The following GAREM1 variants were observed in gnomAD, a reference collection of about 807,000 sequenced individuals.
GAREM1 encodes GRB2-associated and regulator of MAPK protein 1.
A neutral mutation model predicts 71.3 loss-of-function variants in GAREM1; 26 were observed. The ratio of observed to expected loss-of-function variants is 0.36; its 90% confidence interval spans 0.27 to 0.51. The LOEUF (loss-of-function observed/expected upper bound fraction) is 0.51, where lower values mean the gene tolerates loss of function less well. Ranked by LOEUF, GAREM1 falls within the 20% of genes least tolerant of loss-of-function variation. The pLI is 0.95. For missense variants in GAREM1, 1,026 were observed against 1,103.1 expected, an observed-to-expected ratio of 0.93 and a Z score of 0.99; for synonymous variants, 440 against 433.2, an observed-to-expected ratio of 1.02 and a Z score of -0.20.
At chr18:32,427,083 T>C (rs2048582927) in intron 1 of GAREM1, among the ~76,000 whole-genome samples, 1 of 152,112 alleles carries the variant, frequency 6.6e-6, no homozygotes, top group Non-Finnish European at 1.5e-5. Flanking sequence ...CTAAATTTGT[T>C]TTACTCTCGT....
chr18:32,321,076 A>G (rs1054820965), intron 2 of GAREM1, among the ~76,000 whole-genome samples: 2 of 152,184 alleles, frequency 1.3e-5, no homozygotes, highest in Non-Finnish European at 2.9e-5. Flanking sequence ...CCCTTCCATT[A>G]TCACATTATT....
At chr18:32,367,776 A>G (rs773314742) in intron 2 of GAREM1, among the ~76,000 whole-genome samples, 14 of 152,106 alleles carry the variant, frequency 9.2e-5, no homozygotes, top group Non-Finnish European at 2.9e-5. Flanking sequence ...CAACAGGGAG[A>G]TAAGGAGGAG....
chr18:32,267,818 T>C lies in GAREM1; in HGVS notation c.*53A>G, dbSNP rs1270508739. 2 of 1,455,486 alleles carry C rather than the reference T, an allele frequency of 1.4e-6. No individual in the cohort carries two copies. The highest frequency in any genetic ancestry group is 1.9e-6 in the Non-Finnish European group (2 of 1,061,400). 90.2% of individuals were successfully genotyped at this position (1,455,486 alleles called of 1,614,324 possible). On this transcript the variant is annotated 3_prime_UTR_variant, in exon 6 of 6. Transcript: ENST00000269209. ...ATGAAATTGTGTCCCAGCCCACCCC[T>C]TCTAGCACACGCATTGATCAGTTTT... is the stretch of plus-strand genomic sequence containing the variant.
chr18:32,364,377 CT>C (rs1287429175), intron 2 of GAREM1, among the ~76,000 whole-genome samples: 3 of 151,826 alleles, frequency 2.0e-5, no homozygotes, highest in African/African-American at 7.3e-5. Flanking sequence ...GTATTTACCC[CT>C]GTCTTCACCG....
At chr18:32,359,616 G>A (rs911107357) in intron 2 of GAREM1, among the ~76,000 whole-genome samples, 1 of 151,984 alleles carries the variant, frequency 6.6e-6, no homozygotes, top group African/African-American at 2.4e-5. Context: ...CATAAAACCT[G>A]TCTCAATATG....
At chr18:32,302,861 G>A (rs898023065) in intron 3 of GAREM1, among the ~76,000 whole-genome samples, 3 of 152,134 alleles carry the variant, frequency 2.0e-5, no homozygotes, top group Non-Finnish European at 4.4e-5. Flanking sequence ...CAAAGAAAAG[G>A]TACCGCTGAA....
At chr18:32,298,053 T>A (rs2047161038) in intron 3 of GAREM1, among the ~76,000 whole-genome samples, 1 of 152,236 alleles carries the variant, frequency 6.6e-6, no homozygotes, top group Non-Finnish European at 1.5e-5. Context: ...ACGTACAGAT[T>A]AAACAGATCA....
intron 1 of GAREM1, among the ~76,000 whole-genome samples, chr18:32,462,563 CT>C (rs149959167): frequency 6.6e-6 from 1 of 152,138 alleles, no homozygotes; most frequent in African/African-American, 2.4e-5. Context: ...TGCAAGTTGC[CT>C]TTTTGCTCCG....
intron 2 of GAREM1, among the ~76,000 whole-genome samples, chr18:32,336,009 C>T (rs377283126): frequency 9.2e-5 from 14 of 152,284 alleles, no homozygotes; most frequent in East Asian, 3.9e-4. Flanking sequence ...GGTTCAAAGA[C>T]GCTAGTTTGT....
At chr18:32,291,260 TTTTG>T (rs2047081787) in intron 3 of GAREM1, among the ~76,000 whole-genome samples, 1 of 151,652 alleles carries the variant, frequency 6.6e-6, no homozygotes, top group African/African-American at 2.4e-5. Context: ...TATACTTTTT[TTTTG>T]TTTAAGAAGA....
At chr18:32,343,042 T>A (rs1457297103) in intron 2 of GAREM1, among the ~76,000 whole-genome samples, 6 of 152,252 alleles carry the variant, frequency 3.9e-5, no homozygotes, top group African/African-American at 7.2e-5. Context: ...ATCTCTGATA[T>A]TCATCCCAAA....
chr18:32,421,699 T>C (rs2048520978), intron 1 of GAREM1, among the ~76,000 whole-genome samples: 1 of 152,162 alleles, frequency 6.6e-6, no homozygotes, highest in Non-Finnish European at 1.5e-5. Context: ...TTCTGTTGCC[T>C]AGAAAGCCCT....
Position 32,309,391 on chromosome 18 carries a change from A to G in GAREM1, c.393+802T>C, listed in dbSNP as rs751589465. On this transcript the variant is annotated intron_variant, in intron 3 of 5. Coordinates refer to ENST00000269209, the MANE Select transcript of GAREM1 (RefSeq NM_001242409.2). ...AGCACTTTGGGAGGCCAAGGTGGGC[A>G]GATCACGAGGTCAGGAGCTTGAGAC... Among the ~76,000 whole-genome samples, 26 of 149,060 alleles carry G rather than the reference A, an allele frequency of 1.7e-4. 1 individual carries two copies. Among genetic ancestry groups the G allele is most frequent in the Non-Finnish European group, 3.3e-4 (22 of 67,220 alleles).
rs754211888 is a variant in GAREM1, at chr18:32,392,936, T to C, written c.221A>G (p.Tyr74Cys). 1.2e-6 allele frequency: 2 copies of C among 1,613,908 alleles called. No homozygotes were observed. The highest frequency in any genetic ancestry group is 1.7e-6 in the Non-Finnish European group (2 of 1,179,890). Residue 74 changes from tyrosine to cysteine, a missense_variant, in exon 2 of 6, where the codon TAT becomes TGT. By Grantham distance (194) the Tyr-to-Cys change is radical (BLOSUM62 -2). This residue lies in a region of GAREM1 where 172 missense variants were observed against 175.2 expected (regional missense o/e 0.98). Transcript: ENST00000269209. ...AATCTCTATCTTTGGCCCAATGACA[T>C]AGTGACCCTCCTCCAAGCTGTGGGC... ...ITAHSLEEGH[Y>C]VIGPKIEIPV...
intron 2 of GAREM1, among the ~76,000 whole-genome samples, chr18:32,391,918 T>C (rs1161352267): frequency 3.3e-5 from 5 of 152,128 alleles, no homozygotes; most frequent in Admixed American, 6.5e-5. Flanking sequence ...GAATCAAAAA[T>C]GGTACCAAAC....
rs566277352 is a variant in GAREM1 at position 32,438,008 on chromosome 18, C to T, written c.121+32300G>A. ...CCAAAAGTCCAAAATAACCCAACCC[C>T]AGCACCTCTAAAGTCTAAGATAAAA... On this transcript the variant is annotated intron_variant, in intron 1 of 5. Transcript: ENST00000269209. Among the ~76,000 whole-genome samples the T allele has an allele frequency of 3.9e-5, 6 of 152,188 alleles. No individual in the cohort carries two copies. In the East Asian group the frequency reaches 7.7e-4, roughly 20 times the overall value.
chr18:32,466,631 G>C (rs1234291435), intron 1 of GAREM1, among the ~76,000 whole-genome samples: 1 of 152,172 alleles, frequency 6.6e-6, no homozygotes, highest in African/African-American at 2.4e-5. Flanking sequence ...GAGGAGGAGA[G>C]AGAAAATGAA....
At chr18:32,309,897 T>C (rs538205226) in intron 3 of GAREM1, among the ~76,000 whole-genome samples, 4 of 151,950 alleles carry the variant, frequency 2.6e-5, no homozygotes, top group Non-Finnish European at 4.4e-5. Context: ...TAAACAACTG[T>C]TACATATTAG....
chr18:32,400,118 A>G (rs2048298384), intron 1 of GAREM1, among the ~76,000 whole-genome samples: 2 of 152,254 alleles, frequency 1.3e-5, no homozygotes, highest in African/African-American at 2.4e-5. Flanking sequence ...CTGGCTAGCC[A>G]TATGTAGAAA....
Sources: allele counts gnomAD v4.1 joint callset (sites outside exome capture counted in the v4.1 genomes callset), GRCh38; gene constraint gnomAD v4.1.1; regional missense constraint gnomAD v4.1.1; transcripts MANE v1.5; gene names NCBI Gene and HGNC (gene_info 2026-07-23, HGNC 2026-07-21).